MINDY4: variants seen among roughly 807,000 people sequenced by gnomAD.
The protein encoded by MINDY4 is probable ubiquitin carboxyl-terminal hydrolase MINDY-4.
In MINDY4, 68 loss-of-function variants were observed where a neutral mutation model predicts 87.0. The ratio of observed to expected loss-of-function variants is 0.78; its 90% confidence interval spans 0.64 to 0.96. The LOEUF is 0.96. MINDY4 is among the 40% of genes least tolerant of loss of function. MINDY4 has a pLI of 0.00. For synonymous variants in MINDY4, 379 were observed against 363.2 expected (o/e 1.04, Z -0.50); for missense variants, 919 against 928.2 (o/e 0.99, Z 0.13).
intron 9 of MINDY4, among the ~76,000 whole-genome samples, chr7:30,843,933 C>T (rs765998881): frequency 1.1e-4 from 17 of 152,146 alleles, no homozygotes; most frequent in Non-Finnish European, 2.1e-4. Flanking sequence ...GGGGGGCCTG[C>T]CTGGCTGGAC....
At chr7:30,872,120 T>A in intron 13 of MINDY4, 123 bp from the exon 14 acceptor site, 1 of 893,814 alleles carries the variant, frequency 1.1e-6, no homozygotes, top group South Asian at 1.5e-5. Flanking sequence ...AGCGCTCAGG[T>A]TCCCACCAAA....
At chr7:30,850,660 C>A in intron 10 of MINDY4, 105 bp downstream of exon 10, 1 of 1,000,910 alleles carries the variant, frequency 1.0e-6, no homozygotes, top group Non-Finnish European at 1.5e-6. Flanking sequence ...GTTACCCACC[C>A]TGTGCCACAT....
chr7:30,785,358 A>C (rs545740297), intron 3 of MINDY4, among the ~76,000 whole-genome samples: 2 of 151,504 alleles, frequency 1.3e-5, no homozygotes, highest in Non-Finnish European at 2.9e-5. Context: ...CAAGTTTGCT[A>C]TGGGTCTTCT....
intron 8 of MINDY4, 136 bp downstream of exon 8, chr7:30,839,452 G>A (rs923706296): frequency 3.6e-6 from 2 of 562,198 alleles, no homozygotes; most frequent in African/African-American, 3.8e-5. Context: ...CATGTGCTGA[G>A]TTGTCACTTG....
At chr7:30,873,214 G>A (rs1010246718) in intron 14 of MINDY4, among the ~76,000 whole-genome samples, 5 of 152,322 alleles carry the variant, frequency 3.3e-5, no homozygotes, top group African/African-American at 1.2e-4. Context: ...CACGGGGAGT[G>A]GCTACTCTTC....
Position 30,882,934 on chromosome 7 carries a change from C to A in MINDY4, c.2166C>A (p.Thr722=). The A allele has an allele frequency of 6.2e-7, 1 of 1,614,012 alleles. No individual in the cohort carries two copies. Among genetic ancestry groups the A allele is most frequent in the East Asian group, 2.2e-5 (1 of 44,856 alleles). Reference sequence around the variant, plus strand: ...CCTCCTTCCCAGACACCACCCAAACCATCTCTGAGGACACAGACAACGACC... The same window carrying A: ...CCTCCTTCCCAGACACCACCCAAACAATCTCTGAGGACACAGACAACGACC... ...QIRLTIDTTQ[T]ISEDTDNDLV... The change falls in exon 17 of 18, where the codon ACC becomes ACA. Residue 722 remains threonine, a synonymous_variant. Coordinates refer to ENST00000265299, the MANE Select transcript of MINDY4 (RefSeq NM_032222.3).
intron 5 of MINDY4, among the ~76,000 whole-genome samples, chr7:30,810,766 T>A (rs1025758379): frequency 2.0e-5 from 3 of 152,278 alleles, no homozygotes; most frequent in South Asian, 4.1e-4. Context: ...AAGGTGAAAT[T>A]TAGCTTATCT....
At chr7:30,863,633 C>G (rs918444617) in intron 13 of MINDY4, among the ~76,000 whole-genome samples, 4 of 152,120 alleles carry the variant, frequency 2.6e-5, no homozygotes, top group African/African-American at 9.7e-5. Flanking sequence ...AGACCAGAGC[C>G]AGGGTGAGGA....
chr7:30,839,064 A>G (rs1184025637), intron 7 of MINDY4, 136 bp from the exon 8 acceptor site: 3 of 569,782 alleles, frequency 5.3e-6, no homozygotes, highest in Non-Finnish European at 9.4e-6. Flanking sequence ...AAATAAAAAG[A>G]GAAGAGATGA....
intron 1 of MINDY4, among the ~76,000 whole-genome samples, chr7:30,776,783 T>A (rs1325128008): frequency 6.6e-6 from 1 of 152,186 alleles, no homozygotes; most frequent in African/African-American, 2.4e-5. Flanking sequence ...ACTATACATT[T>A]ATGGTCTGCT....
At chr7:30,818,552 G>T (rs1485740887) in intron 5 of MINDY4, among the ~76,000 whole-genome samples, 3 of 152,208 alleles carry the variant, frequency 2.0e-5, no homozygotes, top group South Asian at 2.1e-4. Flanking sequence ...GAAGCCCAGA[G>T]AAGCTGGACA....
intron 12 of MINDY4, among the ~76,000 whole-genome samples, chr7:30,856,145 G>A (rs1229601596): frequency 6.6e-6 from 1 of 152,132 alleles, no homozygotes; most frequent in Non-Finnish European, 1.5e-5. Context: ...TCAGGTCTCT[G>A]TGGAGTGCAG....
chr7:30,853,686 G>C (rs963937731), intron 12 of MINDY4, among the ~76,000 whole-genome samples: 18 of 152,342 alleles, frequency 1.2e-4, no homozygotes, highest in African/African-American at 4.3e-4. Context: ...CCTGGAGGCA[G>C]GGCACAGGTA....
At chr7:30,811,879 G>A (rs1457427338) in intron 5 of MINDY4, among the ~76,000 whole-genome samples, 4 of 152,152 alleles carry the variant, frequency 2.6e-5, no homozygotes, top group Non-Finnish European at 4.4e-5. Context: ...TGGGGAGCTC[G>A]GTTGTTGGAG....
At chr7:30,813,220 C>T (rs1199642219) in intron 5 of MINDY4, among the ~76,000 whole-genome samples, 1 of 152,198 alleles carries the variant, frequency 6.6e-6, no homozygotes, top group African/African-American at 2.4e-5. Context: ...GTAGAAGATT[C>T]ATCGTCAGGA....
At chr7:30,878,031 C>T (rs1162173327) in intron 15 of MINDY4, among the ~76,000 whole-genome samples, 3 of 151,626 alleles carry the variant, frequency 2.0e-5, no homozygotes, top group African/African-American at 2.4e-5. Context: ...CCAAGTCCCT[C>T]GGGCCCTACA....
At chr7:30,842,133 A>G (rs4723019) in intron 9 of MINDY4, among the ~76,000 whole-genome samples, 148,387 of 152,344 alleles carry the variant, frequency 0.97, 72,292 homozygotes, top group East Asian at 1. Flanking sequence ...GTTTTGCACA[A>G]TAATAATTGA....
At chr7:30,810,713 G>A (rs1787966362) in intron 5 of MINDY4, among the ~76,000 whole-genome samples, 1 of 152,014 alleles carries the variant, frequency 6.6e-6, no homozygotes, top group South Asian at 2.1e-4. Flanking sequence ...TGTATACAAA[G>A]TTTTATTAAA....
chr7:30,882,826 C>A, intron 16 of MINDY4, 95 bp from the exon 17 acceptor site: 1 of 1,077,784 alleles, frequency 9.3e-7, no homozygotes, highest in Non-Finnish European at 1.4e-6. Context: ...GGGACAGGGA[C>A]TAGAAGGGGG....
Sources: allele counts gnomAD v4.1 joint callset (sites outside exome capture counted in the v4.1 genomes callset), GRCh38; gene constraint gnomAD v4.1.1; transcripts MANE v1.5; gene names NCBI Gene and HGNC (gene_info 2026-07-23, HGNC 2026-07-21).